Variants in RABGAP1L observed in about 807,000 individuals in gnomAD.
The protein encoded by RABGAP1L is RAB GTPase activating protein 1 like, also known as rab GTPase-activating protein 1-like.
RABGAP1L carries 63 observed loss-of-function variants against 137.7 expected under a neutral mutation model. The observed-to-expected ratio is 0.46, with a 90% CI of 0.37 to 0.56. The LOEUF (loss-of-function observed/expected upper bound fraction) is 0.56, where lower values mean the gene tolerates loss of function less well. Ranked by LOEUF, RABGAP1L falls within the 20% of genes least tolerant of loss-of-function variation. The pLI is 0.00. For synonymous variants in RABGAP1L, 431 were observed against 433.7 expected, an observed-to-expected ratio of 0.99 and a Z score of 0.08; for missense variants, 1,095 against 1,244.0, an observed-to-expected ratio of 0.88 and a Z score of 1.80.
At chr1:174,674,061 GTTTTTTTTTTTC>G (rs1477195161) in intron 14 of RABGAP1L, among the ~76,000 whole-genome samples, 4 of 140,624 alleles carry the variant, frequency 2.8e-5, no homozygotes, top group East Asian at 2.1e-4. Context: ...AGTGTTCAGA[GTTTTTTTTTTTC>G]TTTTTTTTTT....
intron 19 of RABGAP1L, among the ~76,000 whole-genome samples, chr1:174,840,320 C>T (rs1180647138): frequency 1.3e-5 from 2 of 152,090 alleles, no homozygotes; most frequent in African/African-American, 4.8e-5. Context: ...ACCCTATCTT[C>T]AAAGAAAGAT....
chr1:174,392,787 CAT>C (rs1200951325), intron 12 of RABGAP1L, among the ~76,000 whole-genome samples: 4 of 152,198 alleles, frequency 2.6e-5, no homozygotes, highest in African/African-American at 9.6e-5. Context: ...AGAAAATAGA[CAT>C]GTGGATTCTA....
At chr1:174,817,424 A>G (rs1456845636) in intron 19 of RABGAP1L, among the ~76,000 whole-genome samples, 2 of 152,196 alleles carry the variant, frequency 1.3e-5, no homozygotes, top group Non-Finnish European at 2.9e-5. Context: ...AGGATGTTTC[A>G]TGCAGACAAT....
intron 14 of RABGAP1L, among the ~76,000 whole-genome samples, chr1:174,668,959 T>C (rs549626247): frequency 6.6e-6 from 1 of 152,342 alleles, no homozygotes; most frequent in South Asian, 2.1e-4. Flanking sequence ...TTGTTTGTTT[T>C]CTTGCTATTG....
intron 13 of RABGAP1L, among the ~76,000 whole-genome samples, chr1:174,468,737 A>G (rs1657579617): frequency 6.6e-6 from 1 of 152,024 alleles, no homozygotes; most frequent in Admixed American, 6.6e-5. Flanking sequence ...CTCTCTGTAA[A>G]ATCATTCCAG....
chr1:174,717,980 G>A (rs577017706), intron 17 of RABGAP1L, among the ~76,000 whole-genome samples: 1 of 152,210 alleles, frequency 6.6e-6, no homozygotes, highest in African/African-American at 2.4e-5. Context: ...AGATGGGGTG[G>A]GCTTCCTCTG....
chr1:174,918,456 A>G (rs1661233003), intron 19 of RABGAP1L, among the ~76,000 whole-genome samples: 2 of 152,170 alleles, frequency 1.3e-5, no homozygotes. Context: ...TCATAAAACA[A>G]TGGCAGTTAT....
chr1:174,759,731 G>C (rs1354786749), intron 18 of RABGAP1L, among the ~76,000 whole-genome samples: 1 of 152,228 alleles, frequency 6.6e-6, no homozygotes, highest in Non-Finnish European at 1.5e-5. Context: ...AAGGGGAGCT[G>C]TATATCACAT....
At chr1:174,473,411 A>G (rs781089803) in intron 13 of RABGAP1L, among the ~76,000 whole-genome samples, 8 of 152,166 alleles carry the variant, frequency 5.3e-5, no homozygotes, top group African/African-American at 9.6e-5. Flanking sequence ...TTGGTATAGC[A>G]TCTACTGCCC....
At chr1:174,329,660 A>C (rs989131631) in intron 11 of RABGAP1L, among the ~76,000 whole-genome samples, 25 of 152,188 alleles carry the variant, frequency 1.6e-4, no homozygotes, top group Non-Finnish European at 7.4e-5. Flanking sequence ...CAGGAATGTA[A>C]AGATGGTTTA....
intron 7 of RABGAP1L, among the ~76,000 whole-genome samples, chr1:174,259,154 T>C (rs547458884): frequency 6.6e-6 from 1 of 151,790 alleles, no homozygotes; most frequent in East Asian, 1.9e-4. Flanking sequence ...CATCCAAGGG[T>C]TTAAGGGTTG....
chr1:174,550,987 T>TATATATACATATGTATATATAC (rs1272236064), intron 13 of RABGAP1L, among the ~76,000 whole-genome samples: 2 of 99,026 alleles, frequency 2.0e-5, no homozygotes, highest in African/African-American at 1.4e-4. Context: ...TATATACATA[T>TATATATACATATGTATATATAC]ATATATATAC....
intron 1 of RABGAP1L, among the ~76,000 whole-genome samples, chr1:174,214,484 A>T (rs551188814): frequency 6.6e-6 from 1 of 152,342 alleles, no homozygotes; most frequent in East Asian, 1.9e-4. Context: ...TAGAAAAAAA[A>T]GTCCTAAAAT....
At chr1:174,389,968 C>T (rs1687091903) in intron 12 of RABGAP1L, among the ~76,000 whole-genome samples, 1 of 152,126 alleles carries the variant, frequency 6.6e-6, no homozygotes, top group Admixed American at 6.6e-5. Context: ...CTGATAACTG[C>T]AGTTAATGTA....
At chr1:174,185,653 G>A (rs1167213963) in intron 1 of RABGAP1L, among the ~76,000 whole-genome samples, 1 of 152,096 alleles carries the variant, frequency 6.6e-6, no homozygotes, top group African/African-American at 2.4e-5. Flanking sequence ...ATATTGTTCT[G>A]TGGCAGCATA....
At chr1:174,252,265 A>G (rs922969071) in intron 6 of RABGAP1L, among the ~76,000 whole-genome samples, 1 of 152,170 alleles carries the variant, frequency 6.6e-6, no homozygotes, top group African/African-American at 2.4e-5. Flanking sequence ...TGTAAACTCA[A>G]TTTAGAAATT....
At chr1:174,446,900 GTAAT>G (rs1315182143) in intron 13 of RABGAP1L, among the ~76,000 whole-genome samples, 7 of 152,138 alleles carry the variant, frequency 4.6e-5, no homozygotes, top group Non-Finnish European at 1.0e-4. Flanking sequence ...AAATACCTAA[GTAAT>G]AAATAATGGC....
Position 174,416,019 on chromosome 1 carries a change from C to CAT in RABGAP1L, c.1710+21890_1710+21891dup, listed in dbSNP as rs143285036. On this transcript the variant is annotated intron_variant, in intron 13 of 25. Transcript: ENST00000681986. ...TTAAGGAATTTCCCTAGAAAATTTA[C>CAT]ATATATATATATATATACACACACA... 4.3e-3 allele frequency among the ~76,000 whole-genome samples: 560 copies of CAT among 129,046 alleles called. 16 individuals carry two copies. Among genetic ancestry groups the CAT allele is most frequent in the South Asian group, 9.9e-3 (44 of 4,430 alleles). The allele number at this position is 129,046 out of a possible 152,430, so 84.7% of individuals were successfully genotyped here. A position where few individuals can be genotyped will look rare whatever the true frequency, so the allele number is the denominator to read the frequency against.
At chr1:174,616,412 G>T (rs910941852) in intron 13 of RABGAP1L, among the ~76,000 whole-genome samples, 2 of 152,168 alleles carry the variant, frequency 1.3e-5, no homozygotes, top group Non-Finnish European at 2.9e-5. Context: ...GGGAATAGAT[G>T]GTTACCCTGC....
Sources: gnomAD v4.1 joint callset for allele counts (sites outside exome capture counted in the v4.1 genomes callset) on GRCh38, gnomAD v4.1.1 for gene constraint, MANE v1.5 for transcripts, NCBI Gene and HGNC (gene_info 2026-07-23, HGNC 2026-07-21) for gene names.